DLGAP3: variants seen among roughly 807,000 people sequenced by gnomAD.
DLGAP3 encodes the protein disks large-associated protein 3.
A neutral mutation model predicts 81.2 loss-of-function variants in DLGAP3; 17 were observed. The observed-to-expected ratio is 0.21, with a 90% confidence interval of 0.14 to 0.31. The LOEUF is 0.31. DLGAP3 is among the 10% of genes least tolerant of loss of function. The pLI is 1.00. For missense variants in DLGAP3, 1,124 were observed against 1,388.0 expected, an observed-to-expected ratio of 0.81 and a Z score of 3.02; for synonymous variants, 577 against 587.4, an observed-to-expected ratio of 0.98 and a Z score of 0.26.
intron 5 of DLGAP3, among the ~76,000 whole-genome samples, chr1:34,888,750 C>G (rs1224885503): frequency 6.6e-6 from 1 of 152,210 alleles, no homozygotes; most frequent in African/African-American, 2.4e-5. Context: ...TGGCTTTCAC[C>G]ATGATGCTCT....
chr1:34,904,457 T>C lies in DLGAP3; in HGVS notation c.927A>G (p.Glu309=), dbSNP rs763930373. Residue 309 remains glutamate, a synonymous_variant, in exon 3 of 12, where the codon GAA becomes GAG. Coordinates refer to ENST00000373347, the MANE Select transcript of DLGAP3 (RefSeq NM_001080418.3). This position sits in a 1 kb window ranked among gnomAD's most constrained non-coding sequence, Gnocchi z 8.1. ...LSFKGRSGGS[E]GRCLACTGMS... ...TGCCAGTGCAGGCAAGGCAGCGGCC[T>C]TCCGACCCGCCCGAGCGCCCCTTGA... 6.2e-7 allele frequency: 1 copy of C among 1,614,146 alleles called. No homozygotes were observed. The highest frequency in any genetic ancestry group is 8.5e-7 in the Non-Finnish European group (1 of 1,180,024).
At chr1:34,889,360 G>C (rs567787074) in intron 5 of DLGAP3, among the ~76,000 whole-genome samples, 3 of 152,276 alleles carry the variant, frequency 2.0e-5, no homozygotes, top group East Asian at 3.9e-4. Flanking sequence ...GAGACTCTCA[G>C]AGAAATATTA....
chr1:34,869,130 C>T, intron 8 of DLGAP3, 41 bp from the exon 9 acceptor site: 1 of 1,455,390 alleles, frequency 6.9e-7, no homozygotes, highest in Non-Finnish European at 9.3e-7. Flanking sequence ...TGCCCAGGCT[C>T]ATGCCAGCTC....
At chr1:34,922,200 G>C (rs1257511623) in intron 1 of DLGAP3, among the ~76,000 whole-genome samples, 1 of 152,150 alleles carries the variant, frequency 6.6e-6, no homozygotes, top group Non-Finnish European at 1.5e-5. Context: ...GGCCTTATAG[G>C]TTTTCCCTCC....
chr1:34,890,588 A>C (rs1639296435), intron 5 of DLGAP3, among the ~76,000 whole-genome samples: 1 of 152,104 alleles, frequency 6.6e-6, no homozygotes, highest in Non-Finnish European at 1.5e-5. Context: ...GCTCTGGGGG[A>C]GGCAAGCTGC....
chr1:34,914,905 C>A (rs768000757), intron 1 of DLGAP3, among the ~76,000 whole-genome samples: 3 of 152,134 alleles, frequency 2.0e-5, no homozygotes, highest in Non-Finnish European at 4.4e-5. Flanking sequence ...CTTTTGAAGA[C>A]CTCCCACACC....
In DLGAP3 at chr1:34,885,633, C is replaced by T. The variant is rs762072609; in HGVS notation, c.1759G>A (p.Gly587Ser). The T allele has an allele frequency of 2.0e-6, 3 of 1,502,582 alleles. No homozygotes were observed. Among genetic ancestry groups the T allele is most frequent in the East Asian group, 5.1e-5 (2 of 39,380 alleles). The allele number at this position is 1,502,582 out of a possible 1,614,324, so 93.1% of individuals were successfully genotyped here. ...AGTGTGCGCGCACCCATGGCGGGGC[C>T]GTCCAGCCCGTCGGCGGAGCTGCAG... is the stretch of plus-strand genomic sequence containing the variant. ...RRCSSADGLD[G>S]PAMGARTLEL... The change falls in exon 7 of 12, where the codon GGC becomes AGC. Residue 587 changes from glycine to serine, a missense_variant. This residue lies in a region of DLGAP3 where 379 missense variants were observed against 455.7 expected (regional missense o/e 0.83). Coordinates refer to ENST00000373347, the MANE Select transcript of DLGAP3 (RefSeq NM_001080418.3).
chr1:34,868,729 G>T lies in DLGAP3; in HGVS notation c.2361C>A (p.Arg787=). 6.2e-7 allele frequency: 1 copy of T among 1,609,736 alleles called. No homozygotes were observed. Residue 787 remains arginine (R), a synonymous_variant, in exon 9 of 12, where the codon CGC becomes CGA. Coordinates refer to ENST00000373347, the MANE Select transcript of DLGAP3 (RefSeq NM_001080418.3). The surrounding 1 kb of genome is among the most constrained non-coding windows in gnomAD (Gnocchi z 7.5). ...RGSRSLPDSG[R]ASPCPRDGEW... is the part of the protein sequence containing the mutation. ...CGCCGTCGCGTGGGCAGGGGGATGC[G>T]CGGCCTGAGTCGGGGAGGCTACGTG... is the stretch of plus-strand genomic sequence containing the variant.
At chr1:34,887,567 A>G (rs1171071031) in intron 5 of DLGAP3, among the ~76,000 whole-genome samples, 1 of 152,238 alleles carries the variant, frequency 6.6e-6, no homozygotes, top group Non-Finnish European at 1.5e-5. Flanking sequence ...AAAGGCAGGA[A>G]AAGGTGCTAC....
chr1:34,868,558 C>G lies in DLGAP3; in HGVS notation c.2485+47G>C. 1.3e-6 allele frequency: 2 copies of G among 1,531,744 alleles called. No individual in the cohort carries two copies. The highest frequency in any genetic ancestry group is 1.8e-6 in the Non-Finnish European group (2 of 1,108,938). The allele number at this position is 1,531,744 out of a possible 1,614,324, so 94.9% of individuals were successfully genotyped here. ...CCCATCAGGGTCTCCTGAGCACACA[C>G]GAGGCCATGGTCCCCAGAGTCCCCT... On this transcript the variant is annotated intron_variant, in intron 9 of 11. Transcript: ENST00000373347. The surrounding 1 kb of genome is among the most constrained non-coding windows in gnomAD (Gnocchi z 7.5).
intron 2 of DLGAP3, 96 bp from the exon 3 acceptor site, chr1:34,905,530 A>G (rs572954602): frequency 1.2e-6 from 1 of 826,778 alleles, no homozygotes; most frequent in African/African-American, 1.7e-5. Context: ...TAGGTAATAC[A>G]TATCAATTTA....
rs1639536041 is a variant in DLGAP3, at chr1:34,905,448, G to A, written c.-51-14C>T. 3 of 1,493,126 alleles carry A rather than the reference G, an allele frequency of 2.0e-6. No homozygotes were observed. The highest frequency in any genetic ancestry group is 2.7e-6 in the Non-Finnish European group (3 of 1,114,750). 92.5% of individuals were successfully genotyped at this position (1,493,126 alleles called of 1,614,324 possible). On this transcript the variant is annotated splice_polypyrimidine_tract_variant and intron_variant, in intron 2 of 11. Transcript: ENST00000373347. ...CCCAGGAACCTCCTGGAAAAATAGG[G>A]AGAAAAGGTATTTGAATTGAACAGC...
intron 8 of DLGAP3, among the ~76,000 whole-genome samples, chr1:34,880,451 C>T (rs1639127569): frequency 6.6e-6 from 1 of 152,122 alleles, no homozygotes; most frequent in South Asian, 2.1e-4. Context: ...AAAAAGGGAG[C>T]CAAGCACAGT....
intron 8 of DLGAP3, among the ~76,000 whole-genome samples, chr1:34,872,429 T>C (rs901771366): frequency 6.6e-5 from 10 of 152,100 alleles, no homozygotes; most frequent in Non-Finnish European, 7.4e-5. Context: ...CAGAAGAGAA[T>C]GTACTGTTAA....
intron 8 of DLGAP3, among the ~76,000 whole-genome samples, chr1:34,874,797 G>A (rs1639026446): frequency 6.6e-6 from 1 of 151,900 alleles, no homozygotes; most frequent in East Asian, 1.9e-4. Flanking sequence ...GGTTTTGCCA[G>A]GAGTATTTGG....
chr1:34,887,801 T>A (rs1445026587), intron 5 of DLGAP3, among the ~76,000 whole-genome samples: 1 of 152,252 alleles, frequency 6.6e-6, no homozygotes, highest in East Asian at 1.9e-4. Context: ...GGCCTCAGTT[T>A]GCTCAGCTGT....
chr1:34,876,643 T>C (rs1444025934), intron 8 of DLGAP3, among the ~76,000 whole-genome samples: 1 of 152,214 alleles, frequency 6.6e-6, no homozygotes, highest in South Asian at 2.1e-4. Context: ...CCAGGGAGCC[T>C]GGCCAAAGAG....
At position 34,866,101 on chromosome 1, in the gene DLGAP3, C is replaced by G. The variant is rs777028597; in HGVS notation, c.2922G>C (p.Glu974Asp). ...GGACCGGTCACAGCCTGGTCTGGGC[C>G]TCGGGGATGTAGATCTCGATGCTGT... ...SADSIEIYIPEAQTRL is the reference protein window; with the variant it reads ...SADSIEIYIPDAQTRL Residue 974 changes from glutamate (E) to aspartate (D), a missense_variant, in exon 12 of 12, where the codon GAG (glutamate) becomes GAC (aspartate). Transcript: ENST00000373347. 2 of 1,599,474 alleles carry G rather than the reference C, an allele frequency of 1.3e-6. No homozygotes were observed. The highest frequency in any genetic ancestry group is 8.5e-7 in the Non-Finnish European group (1 of 1,179,098).
rs938338709 is a variant in DLGAP3 at position 34,908,304 on chromosome 1, T to C, written c.-134-867A>G. On this transcript the variant is annotated intron_variant, in intron 1 of 11. Coordinates refer to ENST00000373347, the MANE Select transcript of DLGAP3 (RefSeq NM_001080418.3). ...CAGATGAGAATGGGACAAGATTCAA[T>C]AGAGGTCAATCAAGGAAGACTTCTC... Among the ~76,000 whole-genome samples, 3 of 152,350 alleles carry C rather than the reference T, an allele frequency of 2.0e-5. No homozygotes were observed. The East Asian group carries it at 5.8e-4, about 29-fold the overall frequency.
Sources: allele counts gnomAD v4.1 joint callset (sites outside exome capture counted in the v4.1 genomes callset), GRCh38; gene constraint gnomAD v4.1.1; regional missense constraint gnomAD v4.1.1; non-coding constraint Gnocchi (gnomAD v3.1); transcripts MANE v1.5; gene names NCBI Gene and HGNC (gene_info 2026-07-23, HGNC 2026-07-21).